The following CSMD3 variants were observed in gnomAD, a reference collection of about 807,000 sequenced individuals.
CSMD3 encodes the protein CUB and sushi domain-containing protein 3.
In CSMD3, 177 loss-of-function variants were observed where a neutral mutation model predicts 435.2. The observed-to-expected ratio is 0.41, with a 90% CI of 0.36 to 0.46. CSMD3 has a LOEUF of 0.46. CSMD3 is among the 20% of genes least tolerant of loss of function. The probability of loss-of-function intolerance (pLI) is 0.34; values close to 1 mark genes in which losing one functional copy is unlikely to be tolerated. For missense variants in CSMD3, 4,265 were observed against 4,504.6 expected, an observed-to-expected ratio of 0.95 and a Z score of 1.52; for synonymous variants, 1,656 against 1,520.5, an observed-to-expected ratio of 1.09 and a Z score of -2.07.
At chr8:112,830,773 T>C (rs2079846236) in intron 11 of CSMD3, among the ~76,000 whole-genome samples, 1 of 151,304 alleles carries the variant, frequency 6.6e-6, no homozygotes, top group African/African-American at 2.4e-5. Context: ...GGCTTTTTTT[T>C]GTTATAATAA....
At chr8:112,578,602 A>G (rs1830117646) in intron 23 of CSMD3, among the ~76,000 whole-genome samples, 2 of 152,020 alleles carry the variant, frequency 1.3e-5, no homozygotes, top group Non-Finnish European at 2.9e-5. Flanking sequence ...CCAACTCTCA[A>G]ACAAACAACA....
At chr8:112,488,858 T>C (rs1457244889) in intron 31 of CSMD3, among the ~76,000 whole-genome samples, 1 of 152,130 alleles carries the variant, frequency 6.6e-6, no homozygotes, top group East Asian at 1.9e-4. Flanking sequence ...TCCTATGTTA[T>C]ATGGAGTTTT....
chr8:113,133,793 C>G (rs1422869504), intron 4 of CSMD3, among the ~76,000 whole-genome samples: 1 of 151,950 alleles, frequency 6.6e-6, no homozygotes, highest in Non-Finnish European at 1.5e-5. Context: ...TGAAATAAAT[C>G]CGTTATCAAA....
intron 59 of CSMD3, among the ~76,000 whole-genome samples, chr8:112,266,235 C>T (rs1461746668): frequency 6.6e-6 from 1 of 152,146 alleles, no homozygotes; most frequent in East Asian, 1.9e-4. Flanking sequence ...TTGCATCCAA[C>T]CCCTAAAAGG....
intron 1 of CSMD3, among the ~76,000 whole-genome samples, chr8:113,425,763 C>T (rs990703280): frequency 2.0e-5 from 3 of 151,492 alleles, no homozygotes; most frequent in Non-Finnish European, 4.4e-5. Context: ...GAGCGTTGAA[C>T]ATGAATTCAA....
At chr8:112,527,590 A>G (rs1825102327) in intron 27 of CSMD3, among the ~76,000 whole-genome samples, 1 of 151,938 alleles carries the variant, frequency 6.6e-6, no homozygotes, top group Non-Finnish European at 1.5e-5. Context: ...AAACACTTCA[A>G]AAACAATGGT....
chr8:112,793,150 TTA>T (rs2078734368), intron 13 of CSMD3, among the ~76,000 whole-genome samples: 1 of 147,578 alleles, frequency 6.8e-6, no homozygotes, highest in Non-Finnish European at 1.5e-5. Flanking sequence ...ATATTACATA[TTA>T]AATTAATATA....
At chr8:113,427,532 A>G (rs950838633) in intron 1 of CSMD3, among the ~76,000 whole-genome samples, 1 of 151,298 alleles carries the variant, frequency 6.6e-6, no homozygotes, top group African/African-American at 2.4e-5. Context: ...AATACAAGAA[A>G]AGTACACTGG....
Position 112,921,700 on chromosome 8 carries a change from G to C in CSMD3, c.1560C>G (p.Gly520=), listed in dbSNP as rs377399711. Residue 520 remains glycine, a synonymous_variant, in exon 10 of 71, where the codon GGC becomes GGG. Transcript: ENST00000297405. ...TCCGTTGACAGGTGATGCTCTTTGC[G>C]CCCTGTAGGACATAATCTTCATCAC... The part of the protein sequence containing the change: ...FSCDEDYVLQ[G]AKSITCQRIA... The C allele has an allele frequency of 6.2e-6, 10 of 1,609,728 alleles. No individual in the cohort carries two copies. Among genetic ancestry groups the C allele is most frequent in the Non-Finnish European group, 8.5e-6 (10 of 1,176,456 alleles).
At chr8:113,234,069 T>C (rs543217765) in intron 3 of CSMD3, among the ~76,000 whole-genome samples, 1 of 152,088 alleles carries the variant, frequency 6.6e-6, no homozygotes, top group African/African-American at 2.4e-5. Flanking sequence ...TCTTCCAAAG[T>C]CTGTTACTAC....
chr8:113,256,446 A>G (rs996790574), intron 3 of CSMD3, among the ~76,000 whole-genome samples: 5 of 152,216 alleles, frequency 3.3e-5, no homozygotes, highest in Non-Finnish European at 5.9e-5. Flanking sequence ...AGGAATCATT[A>G]CAATTGAAGC....
chr8:112,721,491 A>T (rs1321778399), intron 13 of CSMD3, among the ~76,000 whole-genome samples: 4 of 152,020 alleles, frequency 2.6e-5, no homozygotes, highest in Non-Finnish European at 5.9e-5. Flanking sequence ...CATGAGAATC[A>T]CCTGAACCCG....
At chr8:113,215,418 TG>T (rs1410433862) in intron 3 of CSMD3, among the ~76,000 whole-genome samples, 1 of 151,966 alleles carries the variant, frequency 6.6e-6, no homozygotes, top group Non-Finnish European at 1.5e-5. Context: ...TTTCTTAGGC[TG>T]GTGGACCATT....
At chr8:112,437,148 T>C (rs1452227185) in intron 32 of CSMD3, among the ~76,000 whole-genome samples, 1 of 152,078 alleles carries the variant, frequency 6.6e-6, no homozygotes, top group Non-Finnish European at 1.5e-5. Flanking sequence ...AACATTCTAA[T>C]GTTAAAAAGG....
chr8:113,277,175 G>T (rs915763682), intron 3 of CSMD3, among the ~76,000 whole-genome samples: 5 of 151,820 alleles, frequency 3.3e-5, no homozygotes, highest in Non-Finnish European at 5.9e-5. Context: ...CTTCAGTATT[G>T]CCAAAATTAT....
intron 45 of CSMD3, among the ~76,000 whole-genome samples, chr8:112,321,925 T>C (rs1228326441): frequency 6.6e-6 from 1 of 151,184 alleles, no homozygotes; most frequent in Non-Finnish European, 1.5e-5. Context: ...ATTGTTTTCC[T>C]GAACTTATAC....
At chr8:112,406,449 TA>T in intron 35 of CSMD3, 74 bp downstream of exon 35, 1 of 875,146 alleles carries the variant, frequency 1.1e-6, no homozygotes, top group East Asian at 2.7e-5. Flanking sequence ...ATCTGAAATT[TA>T]AAAAATTGAA....
intron 4 of CSMD3, among the ~76,000 whole-genome samples, chr8:113,112,552 A>G (rs1036189170): frequency 6.7e-6 from 1 of 150,346 alleles, no homozygotes; most frequent in African/African-American, 2.5e-5. Flanking sequence ...TTGCAACTCC[A>G]GTTGCAATTG....
At chr8:112,902,659 G>A (rs1252129420) in intron 10 of CSMD3, among the ~76,000 whole-genome samples, 1 of 151,150 alleles carries the variant, frequency 6.6e-6, no homozygotes, top group Non-Finnish European at 1.5e-5. Context: ...TATATCTCTG[G>A]TCAATACCCC....
Sources: allele counts gnomAD v4.1 joint callset (sites outside exome capture counted in the v4.1 genomes callset), GRCh38; gene constraint gnomAD v4.1.1; transcripts MANE v1.5; gene names NCBI Gene and HGNC (gene_info 2026-07-23, HGNC 2026-07-21).